Variants in NOSIP observed in about 807,000 individuals in gnomAD.
NOSIP encodes nitric oxide synthase-interacting protein.
In NOSIP, 25 loss-of-function variants were observed where a neutral mutation model predicts 36.4. That is an observed-to-expected ratio of 0.69 (90% confidence interval 0.50 to 0.96). The LOEUF (loss-of-function observed/expected upper bound fraction) is 0.96. Ranked by LOEUF, NOSIP falls within the 40% of genes least tolerant of loss-of-function variation. The pLI is 0.00. For missense variants in NOSIP, 370 were observed against 429.0 expected (o/e 0.86, Z 1.21); for synonymous variants, 187 against 179.2 (o/e 1.04, Z -0.35).
intron 1 of NOSIP, among the ~76,000 whole-genome samples, chr19:49,569,765 G>C (rs574110097): frequency 1.3e-5 from 2 of 151,850 alleles, no homozygotes; most frequent in Admixed American, 6.6e-5. Context: ...CCAAGATCGC[G>C]CCATCGCACT....
At chr19:49,577,961 A>T (rs1353320572) in intron 1 of NOSIP, among the ~76,000 whole-genome samples, 1 of 152,030 alleles carries the variant, frequency 6.6e-6, no homozygotes, top group Non-Finnish European at 1.5e-5. Context: ...GATTGGGAGG[A>T]AATAGGGAAT....
Position 49,555,661 on chromosome 19 carries a change from G to T in NOSIP, c.*90C>A. On this transcript the variant is annotated 3_prime_UTR_variant, in exon 9 of 9. Coordinates refer to ENST00000596358, the MANE Select transcript of NOSIP (RefSeq NM_001270960.2). The stretch of plus-strand genomic sequence containing the variant: ...ACTGTTTGCACGGCCCTGCATCCTC[G>T]CCTGCCCTGTCCCCGGGGCGCCCAC... 2 of 1,084,016 alleles carry T rather than the reference G, an allele frequency of 1.8e-6. No homozygotes were observed. The highest frequency in any genetic ancestry group is 2.8e-6 in the Non-Finnish European group (2 of 709,850). The allele number at this position is 1,084,016 out of a possible 1,614,324, so 67.1% of individuals were successfully genotyped here.
At chr19:49,574,000 C>T (rs963506654) in intron 1 of NOSIP, among the ~76,000 whole-genome samples, 2 of 151,848 alleles carry the variant, frequency 1.3e-5, no homozygotes, top group African/African-American at 4.8e-5. Flanking sequence ...GCTGGGATTA[C>T]AAGCACACAC....
chr19:49,555,763 C>T lies in NOSIP; in HGVS notation c.894G>A (p.Val298=). ...CTCCCGCACACACTCAGGCCTGCAT[C>T]ACCGGCCGTGATTTCTCCGCTTGCA... The part of the protein sequence containing the change: ...VKLQAEKSRP[V]MQA The change falls in exon 9 of 9, where the codon GTG becomes GTA. Residue 298 remains valine (V), a synonymous_variant. Transcript: ENST00000596358. The T allele has an allele frequency of 4.3e-6, 7 of 1,613,586 alleles. 1 individual carries two copies. The highest frequency in any genetic ancestry group is 3.3e-5 in the South Asian group (3 of 91,074).
At chr19:49,567,734 A>G (rs1348085286) in intron 1 of NOSIP, among the ~76,000 whole-genome samples, 3 of 152,022 alleles carry the variant, frequency 2.0e-5, no homozygotes, top group Admixed American at 2.0e-4. Context: ...TAGTAGCATG[A>G]TCTCGGCTCA....
chr19:49,567,338 G>T (rs995731237), intron 1 of NOSIP, among the ~76,000 whole-genome samples: 1 of 148,198 alleles, frequency 6.7e-6, no homozygotes, highest in Non-Finnish European at 1.5e-5. Flanking sequence ...AGCCAGGATG[G>T]TCTCGATCTC....
Position 49,556,954 on chromosome 19 carries a change from T to C in NOSIP, c.458A>G (p.Lys153Arg). The part of the protein sequence containing the change: ...QPGPSVGPPS[K>R]DKDKVLPSFW... ...GCTGGGCAGCACTTTGTCCTTGTCC[T>C]TACTTGGAGGACCCACACTGGGCCC... Residue 153 changes from lysine to arginine, a missense_variant, in exon 6 of 9, where the codon AAG (lysine) becomes AGG (arginine). Physicochemically the swap from Lys to Arg is conservative, Grantham distance 26. Around this residue, in one of 3 missense-constraint regions of NOSIP, gnomAD observed 315 missense variants for 331.9 expected, o/e 0.95. Transcript: ENST00000596358. 1 of 1,612,542 alleles carries C rather than the reference T, an allele frequency of 6.2e-7. No homozygotes were observed. Among genetic ancestry groups the C allele is most frequent in the Non-Finnish European group, 8.5e-7 (1 of 1,179,328 alleles).
At position 49,560,780 on chromosome 19, in the gene NOSIP, C is replaced by T. The variant is rs1268619026; in HGVS notation, c.-1-88G>A. 2 of 1,011,428 alleles carry T rather than the reference C, an allele frequency of 2.0e-6. No homozygotes were observed. Among genetic ancestry groups the T allele is most frequent in the East Asian group, 2.6e-5 (1 of 38,174 alleles). The allele number at this position is 1,011,428 out of a possible 1,614,324, so 62.7% of individuals were successfully genotyped here. ...TCTGCAGCCCTCAGAGCTGATCTGC[C>T]CCCCTTGATGGGAAAGCGGAGGCGG... On this transcript the variant is annotated intron_variant, in intron 1 of 8. Transcript: ENST00000596358. The surrounding 1 kb of genome is among the most constrained non-coding windows in gnomAD (Gnocchi z 4.6).
chr19:49,569,090 C>A, intron 1 of NOSIP, among the ~76,000 whole-genome samples: 1 of 151,426 alleles, frequency 6.6e-6, no homozygotes, highest in East Asian at 2.0e-4. Flanking sequence ...TGTGAGCCCA[C>A]TGCGCCCGGC....
chr19:49,580,387 T>G (rs1273515333), intron 1 of NOSIP, 128 bp downstream of exon 1: 1 of 152,070 alleles, frequency 6.6e-6, no homozygotes, highest in South Asian at 2.1e-4. Context: ...CCCGGACAGC[T>G]GTATTAATAA....
chr19:49,556,984 T>C lies in NOSIP; in HGVS notation c.428A>G (p.Gln143Arg), dbSNP rs1415409021. ...ALSGTSPDDV[Q>R]PGPSVGPPSK... is the part of the protein sequence containing the mutation. The stretch of plus-strand genomic sequence containing the variant: ...TGGAGGACCCACACTGGGCCCAGGT[T>C]GGACATCATCTGTGGGGGAAGGAAG... Residue 143 changes from glutamine to arginine, a missense_variant, in exon 6 of 9, where the codon CAA (glutamine) becomes CGA (arginine). Physicochemically the swap from Gln to Arg is conservative, Grantham distance 43. This residue lies in a region of NOSIP where 315 missense variants were observed against 331.9 expected (regional missense o/e 0.95). Transcript: ENST00000596358. The C allele has an allele frequency of 6.2e-7, 1 of 1,608,684 alleles. No individual in the cohort carries two copies. Among genetic ancestry groups the C allele is most frequent in the East Asian group, 2.2e-5 (1 of 44,736 alleles).
At chr19:49,563,951 C>G (rs1782853762) in intron 1 of NOSIP, among the ~76,000 whole-genome samples, 1 of 152,074 alleles carries the variant, frequency 6.6e-6, no homozygotes, top group South Asian at 2.1e-4. Context: ...GTCCTAGGAC[C>G]CTGTGGTCCC....
At chr19:49,577,828 T>C (rs1206127643) in intron 1 of NOSIP, among the ~76,000 whole-genome samples, 1 of 148,592 alleles carries the variant, frequency 6.7e-6, no homozygotes, top group East Asian at 2.0e-4. Flanking sequence ...CTTGAAAACA[T>C]GCTAAATGAA....
At chr19:49,562,534 T>C (rs958585836) in intron 1 of NOSIP, among the ~76,000 whole-genome samples, 2 of 152,096 alleles carry the variant, frequency 1.3e-5, no homozygotes, top group East Asian at 1.9e-4. Context: ...GCCCAGGAGA[T>C]GGAGATGAGC....
chr19:49,569,342 T>C (rs2122149861), intron 1 of NOSIP, among the ~76,000 whole-genome samples: 1 of 150,254 alleles, frequency 6.7e-6, no homozygotes, highest in South Asian at 2.1e-4. Context: ...TACAGGCACC[T>C]GCCACCACAC....
At position 49,564,453 on chromosome 19, in the gene NOSIP, CAAAAAAAAAAAAA is replaced by C. The variant is rs1011453088; in HGVS notation, c.-1-3774_-1-3762del. ...TAGGGGACAGAGCGAGACTCCATCT[CAAAAAAAAAAAAA>C]AAAAAAAAAACAAAATAAAACTTCA... On this transcript the variant is annotated intron_variant, in intron 1 of 8. Transcript: ENST00000596358. Among the ~76,000 whole-genome samples, 9 of 42,570 alleles carry C rather than the reference CAAAAAAAAAAAAA, an allele frequency of 2.1e-4. No individual in the cohort carries two copies. The Admixed American group carries it at 2.3e-3, about 11-fold the overall frequency. 27.9% of individuals were successfully genotyped at this position (42,570 alleles called of 152,430 possible).
intron 1 of NOSIP, among the ~76,000 whole-genome samples, chr19:49,562,877 A>C (rs2080354094): frequency 6.6e-6 from 1 of 152,108 alleles, no homozygotes; most frequent in Non-Finnish European, 1.5e-5. Context: ...AGACTCTGTC[A>C]AAAGAAAAAG....
chr19:49,563,496 C>CTTT (rs35076085), intron 1 of NOSIP, among the ~76,000 whole-genome samples: 2 of 135,862 alleles, frequency 1.5e-5, no homozygotes, highest in East Asian at 4.6e-4. Context: ...CTTGAAAATT[C>CTTT]TTTTTTTTTT....
chr19:49,564,453 C>CAAAAAA lies in NOSIP; in HGVS notation c.-1-3767_-1-3762dup, dbSNP rs1011453088. On this transcript the variant is annotated intron_variant, in intron 1 of 8. Transcript: ENST00000596358. ...TAGGGGACAGAGCGAGACTCCATCT[C>CAAAAAA]AAAAAAAAAAAAAAAAAAAAAAACA... Among the ~76,000 whole-genome samples the CAAAAAA allele has an allele frequency of 5.9e-4, 25 of 42,516 alleles. 1 individual carries two copies. The highest frequency in any genetic ancestry group is 9.3e-4 in the South Asian group (1 of 1,078). The allele number at this position is 42,516 out of a possible 152,430, so 27.9% of individuals were successfully genotyped here.
Sources: gnomAD v4.1 joint callset for allele counts (sites outside exome capture counted in the v4.1 genomes callset) on GRCh38, gnomAD v4.1.1 for gene constraint, gnomAD v4.1.1 regional missense constraint, Gnocchi (gnomAD v3.1) non-coding constraint, MANE v1.5 for transcripts, NCBI Gene and HGNC (gene_info 2026-07-23, HGNC 2026-07-21) for gene names.